MMP28: variants seen among roughly 807,000 people sequenced by gnomAD.
The protein encoded by MMP28 is matrix metallopeptidase 28.
A neutral mutation model predicts 60.5 loss-of-function variants in MMP28; 55 were observed. The observed-to-expected ratio is 0.91, with a 90% CI of 0.73 to 1.14. The LOEUF is 1.14. Among genes scored for constraint, MMP28 ranks in the 50% most tolerant of loss-of-function variants. The pLI, the probability that MMP28 is intolerant of heterozygous loss-of-function variation, is 0.00. For missense variants in MMP28, 686 were observed against 738.3 expected (o/e 0.93, Z 0.82); for synonymous variants, 318 against 312.5 (o/e 1.02, Z -0.18).
chr17:35,779,073 G>T lies in MMP28; in HGVS notation c.194C>A (p.Ala65Glu), dbSNP rs560975119. 3.1e-6 allele frequency: 5 copies of T among 1,613,704 alleles called. No individual in the cohort carries two copies. Among genetic ancestry groups the T allele is most frequent in the Non-Finnish European group, 4.2e-6 (5 of 1,179,746 alleles). The change falls in exon 3 of 8, where the codon GCG (alanine) becomes GAG (glutamate). Residue 65 changes from alanine to glutamate, a missense_variant and splice_region_variant. Ala to Glu is a moderately radical substitution (Grantham distance 107). Coordinates refer to ENST00000605424, the MANE Select transcript of MMP28 (RefSeq NM_024302.5). The stretch of plus-strand genomic sequence containing the variant: ...AGGTAGCTGGGACACCCACTGAAAC[G>T]CTCTGTCAGGAGGAAAGGACCGCAA... ...TSTRFSDAIR[A>E]FQWVSQLPVS...
Position 35,773,315 on chromosome 17 carries a change from C to T in MMP28, c.469G>A (p.Ala157Thr), listed in dbSNP as rs768046033. ...PEPAVRGAVRAAFQLWSNVSA... is the reference protein window; with the variant it reads ...PEPAVRGAVRTAFQLWSNVSA... The stretch of plus-strand genomic sequence containing the variant: ...ACGTTGCTCCACAACTGGAAGGCGG[C>T]GCGCACGGCGCCCCGAACTGCCGGC... Residue 157 changes from alanine to threonine, a missense_variant, in exon 4 of 8, where the codon GCC becomes ACC. Ala to Thr is a moderately conservative substitution (Grantham distance 58). Transcript: ENST00000605424. 3.4e-5 allele frequency: 55 copies of T among 1,613,250 alleles called. No homozygotes were observed. The Admixed American group carries it at 5.3e-4, about 16-fold the overall frequency.
intron 7 of MMP28, chr17:35,767,111 A>G (rs1440549790): frequency 5.7e-6 from 4 of 706,872 alleles, no homozygotes; most frequent in Non-Finnish European, 1.0e-5. Context: ...AGCAGGTGTC[A>G]GCAGAGGGCA....
intron 6 of MMP28, 100 bp from the exon 7 acceptor site, chr17:35,768,019 CATAGG>C: frequency 7.1e-7 from 1 of 1,408,772 alleles, no homozygotes; most frequent in Non-Finnish European, 9.6e-7. Context: ...AATGGACAAG[CATAGG>C]GTATGGTGTG....
intron 1 of MMP28, among the ~76,000 whole-genome samples, chr17:35,786,715 A>G (rs78301540): frequency 2.0e-5 from 3 of 151,386 alleles, no homozygotes; most frequent in African/African-American, 7.3e-5. Context: ...AAAAAAAAAA[A>G]GATGAATGAT....
At chr17:35,790,762 C>A (rs1038237841) in intron 1 of MMP28, among the ~76,000 whole-genome samples, 4 of 152,084 alleles carry the variant, frequency 2.6e-5, no homozygotes, top group Non-Finnish European at 4.4e-5. Context: ...CCAAGGCAGG[C>A]AGATCATTTG....
chr17:35,766,249 G>A lies in MMP28; in HGVS notation c.*251C>T. The stretch of plus-strand genomic sequence containing the variant: ...GAGGATAGAAGTCCTCGGAGGAAAG[G>A]GCCAAGGGATCTGGGACCCTTTTTT... On this transcript the variant is annotated 3_prime_UTR_variant, in exon 8 of 8. Coordinates refer to ENST00000605424, the MANE Select transcript of MMP28 (RefSeq NM_024302.5). This position sits in a 1 kb window ranked among gnomAD's most constrained non-coding sequence, Gnocchi z 4.3. The A allele has an allele frequency of 7.8e-7, 1 of 1,289,494 alleles. No homozygotes were observed. Among genetic ancestry groups the A allele is most frequent in the Non-Finnish European group, 9.8e-7 (1 of 1,018,656 alleles). The allele number at this position is 1,289,494 out of a possible 1,614,324, so 79.9% of individuals were successfully genotyped here.
chr17:35,784,516 C>G (rs1555610076), intron 1 of MMP28, among the ~76,000 whole-genome samples: 2 of 152,072 alleles, frequency 1.3e-5, no homozygotes, highest in African/African-American at 2.4e-5. Flanking sequence ...TGGAGGTGTC[C>G]CTAACCCTCT....
chr17:35,758,245 C>T (rs1555600791), intron 2 of MMP28: 1 of 152,152 alleles, frequency 6.6e-6, no homozygotes, highest in Non-Finnish European at 1.5e-5. Context: ...TCTGAGTTTT[C>T]ACTCATTACC....
At chr17:35,762,593 G>A (rs782655096), downstream of MMP28, among the ~76,000 whole-genome samples, 22 of 152,138 alleles carry the variant, frequency 1.4e-4, no homozygotes, top group Non-Finnish European at 2.5e-4. Context: ...AGGAGGAAGC[G>A]TCTTTTCCTA....
intron 2 of MMP28, chr17:35,757,530 C>G (rs2085753521): frequency 2.0e-5 from 3 of 152,168 alleles, no homozygotes; most frequent in African/African-American, 7.2e-5. Context: ...CTTAATAACT[C>G]CATCAAGACA....
chr17:35,766,293 C>T lies in MMP28; in HGVS notation c.*207G>A. Reference sequence around the variant, plus strand: ...CTTTTTTGCTTTTCCTAAGATTGATCCCACCCCCACCTCCATGTGGTGGGG... The same window carrying T: ...CTTTTTTGCTTTTCCTAAGATTGATTCCACCCCCACCTCCATGTGGTGGGG... On this transcript the variant is annotated 3_prime_UTR_variant, in exon 8 of 8. Coordinates refer to ENST00000605424, the MANE Select transcript of MMP28 (RefSeq NM_024302.5). This position sits in a 1 kb window ranked among gnomAD's most constrained non-coding sequence, Gnocchi z 4.3. 7.4e-7 allele frequency: 1 copy of T among 1,356,300 alleles called. No individual in the cohort carries two copies. The highest frequency in any genetic ancestry group is 9.5e-7 in the Non-Finnish European group (1 of 1,055,316). The allele number at this position is 1,356,300 out of a possible 1,614,324, so 84.0% of individuals were successfully genotyped here.
Position 35,768,277 on chromosome 17 carries a change from G to A in MMP28, c.953C>T (p.Thr318Met), listed in dbSNP as rs370540313. ...SYSPQGRRPE[T>M]QGPKYCHSSF... Reference sequence around the variant, plus strand: ...AGAGTGGCAGTATTTAGGGCCCTGCGTTTCAGGGCGCCTTCCTTGGGGGCT... The same window carrying A: ...AGAGTGGCAGTATTTAGGGCCCTGCATTTCAGGGCGCCTTCCTTGGGGGCT... Residue 318 changes from threonine to methionine, a missense_variant, in exon 6 of 8, where the codon ACG becomes ATG. Transcript: ENST00000605424. The A allele has an allele frequency of 4.6e-5, 74 of 1,613,194 alleles. No homozygotes were observed. The African/African-American group carries it at 6.8e-4, about 15-fold the overall frequency.
chr17:35,762,025 T>C (rs1311400895), downstream of MMP28, among the ~76,000 whole-genome samples: 1 of 152,110 alleles, frequency 6.6e-6, no homozygotes, highest in Non-Finnish European at 1.5e-5. Context: ...AGTTTTGCTC[T>C]TGTTGCTCAG....
rs563941199 is a variant in MMP28, at chr17:35,791,302, C to T, written c.111+3965G>A. ...CCTTAATCCCAGCACTTTGGAAGGC[C>T]GAGGCAGGAGGATTGCTTAAGTCCA... On this transcript the variant is annotated intron_variant, in intron 1 of 7. Transcript: ENST00000605424. Among the ~76,000 whole-genome samples the T allele has an allele frequency of 4.6e-5, 7 of 151,774 alleles. No individual in the cohort carries two copies. In the East Asian group the frequency reaches 1.4e-3, roughly 30 times the overall value.
intron 3 of MMP28, among the ~76,000 whole-genome samples, chr17:35,777,727 C>T (rs1001651109): frequency 1.3e-5 from 2 of 152,230 alleles, no homozygotes; most frequent in African/African-American, 4.8e-5. Context: ...GAAAATTAGA[C>T]TTAGTTAAAA....
At position 35,795,267 on chromosome 17, in the gene MMP28, C is replaced by T. The variant is rs1300409744; in HGVS notation, c.111G>A (p.Glu37=). 2 of 1,428,272 alleles carry T rather than the reference C, an allele frequency of 1.4e-6. No homozygotes were observed. Among genetic ancestry groups the T allele is most frequent in the Non-Finnish European group, 1.8e-6 (2 of 1,090,202 alleles). 88.5% of individuals were successfully genotyped at this position (1,428,272 alleles called of 1,614,324 possible). Residue 37 remains glutamate (E), a splice_region_variant and synonymous_variant, in exon 1 of 8, where the codon GAG becomes GAA. Transcript: ENST00000605424. ...TCTCCGCCAGGTACACACGGCGTACCTCCGCCTCCTTGCGCAGCTCCTGGC... is the reference window on the plus strand; with the variant it reads ...TCTCCGCCAGGTACACACGGCGTACTTCCGCCTCCTTGCGCAGCTCCTGGC... ...RGGQELRKEA[E]AFLEKYGYLN...
intron 1 of MMP28, among the ~76,000 whole-genome samples, chr17:35,783,894 A>G (rs1029564721): frequency 6.6e-6 from 1 of 152,160 alleles, no homozygotes; most frequent in Non-Finnish European, 1.5e-5. Flanking sequence ...AATCTCAGTA[A>G]GCAGAATGAG....
intron 1 of MMP28, among the ~76,000 whole-genome samples, chr17:35,784,256 TG>T (rs34493432): frequency 1.4e-5 from 2 of 146,596 alleles, no homozygotes; most frequent in African/African-American, 5.2e-5. Context: ...CACTCCAGCC[TG>T]GGCAACAAGA....
At chr17:35,780,414 A>G (rs1284674716) in intron 1 of MMP28, among the ~76,000 whole-genome samples, 1 of 152,202 alleles carries the variant, frequency 6.6e-6, no homozygotes, top group Non-Finnish European at 1.5e-5. Flanking sequence ...TGCACTTACC[A>G]CTAACCTTAT....
Sources: gnomAD v4.1 joint callset for allele counts (sites outside exome capture counted in the v4.1 genomes callset) on GRCh38, gnomAD v4.1.1 for gene constraint, Gnocchi (gnomAD v3.1) non-coding constraint, MANE v1.5 for transcripts, NCBI Gene and HGNC (gene_info 2026-07-23, HGNC 2026-07-21) for gene names.